Variants in WDR37 observed in about 807,000 individuals in gnomAD.
WDR37 encodes WD repeat-containing protein 37.
Under a neutral mutation model 62.9 loss-of-function variants are expected in WDR37, and 19 were observed. The ratio of observed to expected loss-of-function variants is 0.30; its 90% CI spans 0.21 to 0.44. The LOEUF is 0.44. Ranked by LOEUF, WDR37 falls within the 20% of genes least tolerant of loss-of-function variation. WDR37 has a pLI of 1.00. For missense variants in WDR37, 474 were observed against 657.6 expected (o/e 0.72, Z 3.05); for synonymous variants, 250 against 260.9 (o/e 0.96, Z 0.40).
intron 7 of WDR37, 119 bp downstream of exon 7, chr10:1,086,476 CAG>C (rs1378050784): frequency 2.7e-6 from 2 of 745,244 alleles, no homozygotes; most frequent in South Asian, 3.4e-5. Context: ...TTTCGGTTGT[CAG>C]GGGACAGTGT....
intron 5 of WDR37, among the ~76,000 whole-genome samples, chr10:1,080,712 C>T (rs2131625805): frequency 6.6e-6 from 1 of 152,224 alleles, no homozygotes; most frequent in East Asian, 1.9e-4. Flanking sequence ...TTGAGACCAG[C>T]TTGGACAACA....
In WDR37 at chr10:1,129,261, G is replaced by T; in HGVS notation, c.1402G>T (p.Val468Leu). ...CTCGGCATGGAGTGAAGACCACCCCGTGTGCAATCTGTTCACCTGTGGGTT... is the reference window on the plus strand; with the variant it reads ...CTCGGCATGGAGTGAAGACCACCCCTTGTGCAATCTGTTCACCTGTGGGTT... ...CCSAWSEDHP[V>L]CNLFTCGFDR... The change falls in exon 14 of 14, where the codon GTG becomes TTG. Residue 468 changes from valine (V) to leucine (L), a missense_variant. Physicochemically the swap from Val to Leu is conservative, Grantham distance 32 (BLOSUM62 1). Coordinates refer to ENST00000263150, the MANE Select transcript of WDR37 (RefSeq NM_014023.4). 1 of 1,614,158 alleles carries T rather than the reference G, an allele frequency of 6.2e-7. No individual in the cohort carries two copies. The highest frequency in any genetic ancestry group is 8.5e-7 in the Non-Finnish European group (1 of 1,180,038).
intron 11 of WDR37, among the ~76,000 whole-genome samples, chr10:1,119,810 A>G (rs918252643): frequency 6.6e-6 from 1 of 152,212 alleles, no homozygotes; most frequent in Admixed American, 6.5e-5. Context: ...TATTTGTTGC[A>G]TGAACAGTTC....
chr10:1,090,268 CCTG>C (rs1172782022), intron 7 of WDR37, among the ~76,000 whole-genome samples: 2 of 152,236 alleles, frequency 1.3e-5, no homozygotes, highest in African/African-American at 4.8e-5. Context: ...AAAGGATTCT[CCTG>C]CTTCGGCCTC....
At chr10:1,112,656 C>T (rs1282265042) in intron 11 of WDR37, among the ~76,000 whole-genome samples, 3 of 152,200 alleles carry the variant, frequency 2.0e-5, no homozygotes, top group Non-Finnish European at 2.9e-5. Flanking sequence ...AGTGAACACA[C>T]GAATGATAAG....
intron 1 of WDR37, among the ~76,000 whole-genome samples, chr10:1,063,170 A>G (rs1833427029): frequency 6.6e-6 from 1 of 152,000 alleles, no homozygotes; most frequent in African/African-American, 2.4e-5. Flanking sequence ...CACCAAACTT[A>G]GTTCTGTGAG....
At chr10:1,085,131 A>ATT (rs397944300) in intron 6 of WDR37, among the ~76,000 whole-genome samples, 18 of 143,386 alleles carry the variant, frequency 1.3e-4, no homozygotes, top group African/African-American at 3.3e-4. Flanking sequence ...CGCCTGGCTA[A>ATT]TTTTTTTTTT....
chr10:1,091,203 A>G (rs973462656), intron 7 of WDR37, among the ~76,000 whole-genome samples: 2 of 152,200 alleles, frequency 1.3e-5, no homozygotes, highest in Admixed American at 1.3e-4. Flanking sequence ...CACACCTCAC[A>G]GTGGCCCAGC....
chr10:1,113,237 C>T (rs896872167), intron 11 of WDR37, among the ~76,000 whole-genome samples: 7 of 152,228 alleles, frequency 4.6e-5, no homozygotes, highest in African/African-American at 1.7e-4. Flanking sequence ...GATGAGAGCA[C>T]ATCTGTTTAC....
intron 1 of WDR37, among the ~76,000 whole-genome samples, chr10:1,062,805 G>A (rs1833414011): frequency 6.6e-6 from 1 of 152,128 alleles, no homozygotes; most frequent in Non-Finnish European, 1.5e-5. Flanking sequence ...ATGTAAGAGT[G>A]GGCCGGGTGC....
intron 11 of WDR37, among the ~76,000 whole-genome samples, chr10:1,115,440 G>C (rs574290556): frequency 2.6e-4 from 39 of 152,226 alleles, no homozygotes; most frequent in African/African-American, 7.9e-4. Flanking sequence ...GGAGAGATTT[G>C]GTACTAAACA....
At chr10:1,101,164 C>T (rs1834785696) in intron 9 of WDR37, among the ~76,000 whole-genome samples, 1 of 152,238 alleles carries the variant, frequency 6.6e-6, no homozygotes, top group Admixed American at 6.5e-5. Flanking sequence ...CTCTCATCTC[C>T]TGTCCGTCTC....
chr10:1,125,380 C>A (rs918336286), intron 13 of WDR37, among the ~76,000 whole-genome samples: 1 of 152,142 alleles, frequency 6.6e-6, no homozygotes, highest in African/African-American at 2.4e-5. Context: ...TGCGCCACCA[C>A]GCCTGGCTAA....
chr10:1,111,726 T>C (rs915249791), intron 11 of WDR37, among the ~76,000 whole-genome samples: 1 of 152,228 alleles, frequency 6.6e-6, no homozygotes, highest in Non-Finnish European at 1.5e-5. Flanking sequence ...TGTTTTTATT[T>C]GACTGTTTGT....
At chr10:1,085,620 A>G (rs1316944713) in intron 6 of WDR37, among the ~76,000 whole-genome samples, 1 of 152,222 alleles carries the variant, frequency 6.6e-6, no homozygotes, top group Non-Finnish European at 1.5e-5. Flanking sequence ...CACTCACTGG[A>G]CTCTGCTTTT....
intron 5 of WDR37, among the ~76,000 whole-genome samples, chr10:1,082,726 G>A (rs983929961): frequency 6.7e-6 from 1 of 150,204 alleles, no homozygotes; most frequent in Admixed American, 6.6e-5. Flanking sequence ...AGCAACACAT[G>A]AGAAAATATT....
intron 13 of WDR37, among the ~76,000 whole-genome samples, chr10:1,127,179 T>C (rs1589129062): frequency 6.6e-6 from 1 of 152,244 alleles, no homozygotes; most frequent in East Asian, 1.9e-4. Context: ...ACTATGACTT[T>C]ATTACTTTGA....
chr10:1,112,816 A>G (rs1184754071), intron 11 of WDR37, among the ~76,000 whole-genome samples: 1 of 152,238 alleles, frequency 6.6e-6, no homozygotes, highest in Non-Finnish European at 1.5e-5. Context: ...GAGCTGCGGA[A>G]GAAAAGCTGG....
At chr10:1,126,268 T>A (rs371089630) in intron 13 of WDR37, among the ~76,000 whole-genome samples, 3 of 151,784 alleles carry the variant, frequency 2.0e-5, no homozygotes, top group South Asian at 2.1e-4. Flanking sequence ...CAGCCAGGCG[T>A]GGTGGCGGGC....
Sources: gnomAD v4.1 joint callset for allele counts (sites outside exome capture counted in the v4.1 genomes callset) on GRCh38, gnomAD v4.1.1 for gene constraint, MANE v1.5 for transcripts, NCBI Gene and HGNC (gene_info 2026-07-23, HGNC 2026-07-21) for gene names.